Variants in MYH11 observed in about 807,000 individuals in gnomAD.
MYH11 encodes the protein myosin-11.
MYH11 carries 80 observed loss-of-function variants against 246.6 expected under a neutral mutation model. The observed-to-expected ratio is 0.32, with a 90% CI of 0.27 to 0.39. MYH11 has a LOEUF of 0.39. Among genes scored for constraint, MYH11 ranks in the 10% least tolerant of loss-of-function variants. The probability of loss-of-function intolerance (pLI) is 1.00; values close to 1 mark genes in which losing one functional copy is unlikely to be tolerated. For synonymous variants in MYH11, 1,071 were observed against 1,015.5 expected (o/e 1.05, Z -1.04); for missense variants, 2,158 against 2,546.8 (o/e 0.85, Z 3.29).
intron 8 of MYH11, 118 bp from the exon 9 acceptor site, chr16:15,771,830 A>T (rs1462593579): frequency 7.4e-7 from 1 of 1,347,156 alleles, no homozygotes; most frequent in East Asian, 2.4e-5. Flanking sequence ...TCAAGGCTTG[A>T]ACCGTTTAAA....
At chr16:15,832,407 G>C (rs1185082305) in intron 2 of MYH11, among the ~76,000 whole-genome samples, 1 of 152,036 alleles carries the variant, frequency 6.6e-6, no homozygotes, top group Non-Finnish European at 1.5e-5. Flanking sequence ...GTGTGTGAGT[G>C]AACAAAAGAG....
chr16:15,802,300 G>A (rs2042906727), intron 3 of MYH11, among the ~76,000 whole-genome samples: 1 of 152,228 alleles, frequency 6.6e-6, no homozygotes, highest in Non-Finnish European at 1.5e-5. Context: ...TCTCTCAGCA[G>A]CTCCTGGGGT....
At chr16:15,742,845 T>G (rs2041313837) in intron 20 of MYH11, among the ~76,000 whole-genome samples, 1 of 151,996 alleles carries the variant, frequency 6.6e-6, no homozygotes, top group Non-Finnish European at 1.5e-5. Context: ...AGCGATGGTC[T>G]TGTTTTGTCA....
intron 14 of MYH11, among the ~76,000 whole-genome samples, chr16:15,755,805 G>A (rs34241973): frequency 0.016 from 2,364 of 152,294 alleles, 54 homozygotes; most frequent in East Asian, 0.11. Context: ...GGTGGCAGGT[G>A]CCTGTAATCC....
intron 4 of MYH11, among the ~76,000 whole-genome samples, chr16:15,788,340 AAG>A (rs2042526778): frequency 6.6e-6 from 1 of 151,706 alleles, no homozygotes; most frequent in African/African-American, 2.4e-5. Context: ...TCTAAAATAT[AAG>A]AGAGTTTTTT....
At chr16:15,788,328 A>G (rs1181649749) in intron 4 of MYH11, among the ~76,000 whole-genome samples, 2 of 149,740 alleles carry the variant, frequency 1.3e-5, no homozygotes, top group South Asian at 2.1e-4. Context: ...CTCACTTAAT[A>G]CTCTAAAATA....
Position 15,724,978 on chromosome 16 carries a change from GCT to G in MYH11, c.3871_3872del (p.Ser1291ArgfsTer6). 6.2e-7 allele frequency: 1 copy of G among 1,613,862 alleles called. No individual in the cohort carries two copies. Among genetic ancestry groups the G allele is most frequent in the Non-Finnish European group, 8.5e-7 (1 of 1,179,970 alleles). On this transcript the variant is annotated frameshift_variant, in exon 29 of 41. Coordinates refer to ENST00000300036, the MANE Select transcript of MYH11 (RefSeq NM_002474.3). LOFTEE classifies it high-confidence loss of function. Reference sequence around the variant, plus strand: ...CGGCCTCGTTAAGCATCCCTGTGACGCTCTCAACTTCATTCTAAGGGTGCCAA... The same window carrying G: ...CGGCCTCGTTAAGCATCCCTGTGACGCTCAACTTCATTCTAAGGGTGCCAA... The part of the protein sequence containing the change: ...KVHKLQNEVE[S>X]VTGMLNEAEG...
At chr16:15,760,840 C>T (rs2041852019) in intron 10 of MYH11, among the ~76,000 whole-genome samples, 182 bp from the exon 11 acceptor site, 1 of 152,188 alleles carries the variant, frequency 6.6e-6, no homozygotes, top group South Asian at 2.1e-4. Flanking sequence ...GTCACACTCC[C>T]CAGTATTTTG....
intron 4 of MYH11, among the ~76,000 whole-genome samples, chr16:15,798,221 A>C (rs1476740898): frequency 2.0e-5 from 3 of 152,162 alleles, no homozygotes; most frequent in Non-Finnish European, 4.4e-5. Flanking sequence ...CAGTGATACC[A>C]ATCACCAAAT....
At chr16:15,819,607 C>T (rs550918021) in intron 3 of MYH11, among the ~76,000 whole-genome samples, 57 of 152,274 alleles carry the variant, frequency 3.7e-4, no homozygotes, top group African/African-American at 1.2e-3. Context: ...CCAGATGGGA[C>T]CGTCTAGTTG....
chr16:15,741,859 C>T lies in MYH11; in HGVS notation c.2553G>A (p.Glu851=), dbSNP rs765504337. The part of the protein sequence containing the change: ...VKPLLQVTRQ[E]EEMQAKEDEL... ...CATCCTCCTTGGCCTGCATCTCCTC[C>T]TCCTGCCGTGTCACCTGCAGCAGTG... The change falls in exon 21 of 41, where the codon GAG becomes GAA. Residue 851 remains glutamate, a synonymous_variant. Transcript: ENST00000300036. 4.3e-6 allele frequency: 7 copies of T among 1,614,134 alleles called. No homozygotes were observed. Among genetic ancestry groups the T allele is most frequent in the Non-Finnish European group, 5.9e-6 (7 of 1,180,054 alleles).
In MYH11 at chr16:15,788,095, T is replaced by TTTTTTTTTTTTTTTA. The variant is rs11273419; in HGVS notation, c.531-1364_531-1363insTAAAAAAAAAAAAAA. On this transcript the variant is annotated intron_variant, in intron 4 of 40. Coordinates refer to ENST00000300036, the MANE Select transcript of MYH11 (RefSeq NM_002474.3). ...GGTAGATCTTTTTTTTTTTTTTTTT[T>TTTTTTTTTTTTTTTA]ACCAAGATGGCTTTCGTGCACTAGC... is the stretch of plus-strand genomic sequence containing the variant. 2.3e-3 allele frequency among the ~76,000 whole-genome samples: 224 copies of TTTTTTTTTTTTTTTA among 99,150 alleles called. 24 individuals are homozygous for TTTTTTTTTTTTTTTA. The highest frequency in any genetic ancestry group is 3.8e-3 in the Non-Finnish European group (179 of 47,032). The allele number at this position is 99,150 out of a possible 152,430, so 65.0% of individuals were successfully genotyped here.
At chr16:15,748,007 C>T (rs1596773803) in intron 17 of MYH11, 40 bp downstream of exon 17, 1 of 1,614,204 alleles carries the variant, frequency 6.2e-7, no homozygotes, top group Non-Finnish European at 8.5e-7. Context: ...CCCAGTCCCG[C>T]TCACCCCCTG....
In MYH11 at chr16:15,720,175, G is replaced by T. The variant is rs747392972; in HGVS notation, c.4929C>A (p.Ala1643=). The change falls in exon 34 of 41, where the codon GCC becomes GCA. Residue 1643 remains alanine, a synonymous_variant. Transcript: ENST00000300036. The stretch of plus-strand genomic sequence containing the variant: ...CCTGCAGTTTGCGTAGCTGCTTGAT[G>T]GCTTCCTCCCTCCCCTTGATGGCAG... ...ADSAIKGREE[A]IKQLRKLQAQ... 1 of 1,614,062 alleles carries T rather than the reference G, an allele frequency of 6.2e-7. No homozygotes were observed. The highest frequency in any genetic ancestry group is 1.1e-5 in the South Asian group (1 of 91,068).
chr16:15,807,286 C>T (rs1357940884), intron 3 of MYH11, among the ~76,000 whole-genome samples: 2 of 152,102 alleles, frequency 1.3e-5, no homozygotes, highest in African/African-American at 4.8e-5. Context: ...AGCCAATGCA[C>T]CGAGCTTCAT....
rs1418022498 is a variant in MYH11 at position 15,703,463 on chromosome 16, T to TA, written c.*527dup. 1.2e-5 allele frequency: 3 copies of TA among 241,240 alleles called. No individual in the cohort carries two copies. The highest frequency in any genetic ancestry group is 1.6e-5 in the Non-Finnish European group (2 of 122,196). 14.9% of individuals were successfully genotyped at this position (241,240 alleles called of 1,614,324 possible). Reference sequence around the variant, plus strand: ...ACCGGTTACCGTGGATATGTTTTTCTAAAAACTCAGTGTCTGCACAATCCA... The same window carrying TA: ...ACCGGTTACCGTGGATATGTTTTTCTAAAAAACTCAGTGTCTGCACAATCCA... On this transcript the variant is annotated 3_prime_UTR_variant, in exon 41 of 41. Coordinates refer to ENST00000300036, the MANE Select transcript of MYH11 (RefSeq NM_002474.3).
chr16:15,756,296 T>C (rs754966788), intron 14 of MYH11, 45 bp downstream of exon 14: 1 of 1,606,324 alleles, frequency 6.2e-7, no homozygotes, highest in East Asian at 2.2e-5. Context: ...GAGCAGCCAC[T>C]GGGGGTCCCC....
At chr16:15,709,516 T>C (rs1331924228) in intron 40 of MYH11, among the ~76,000 whole-genome samples, 2 of 152,078 alleles carry the variant, frequency 1.3e-5, no homozygotes, top group Non-Finnish European at 2.9e-5. Context: ...AGTTTCACCA[T>C]GTTGGCCATG....
chr16:15,722,668 T>C (rs1051225968), intron 31 of MYH11, among the ~76,000 whole-genome samples: 1 of 152,210 alleles, frequency 6.6e-6, no homozygotes, highest in African/African-American at 2.4e-5. Context: ...TCTAGAATCC[T>C]GACACTAGGA....
Sources: gnomAD v4.1 joint callset for allele counts (sites outside exome capture counted in the v4.1 genomes callset) on GRCh38, gnomAD v4.1.1 for gene constraint, MANE v1.5 for transcripts, NCBI Gene and HGNC (gene_info 2026-07-23, HGNC 2026-07-21) for gene names.